The following CPE variants were observed in gnomAD, a reference collection of about 807,000 sequenced individuals.
CPE encodes carboxypeptidase E, also known as carbocypeptidase E.
CPE carries 17 observed loss-of-function variants against 53.5 expected under a neutral mutation model. The ratio of observed to expected loss-of-function variants is 0.32; its 90% confidence interval spans 0.22 to 0.48. The LOEUF (loss-of-function observed/expected upper bound fraction) is 0.48. Ranked by LOEUF, CPE falls within the 20% of genes least tolerant of loss-of-function variation. CPE has a pLI of 0.99. For missense variants in CPE, 524 were observed against 614.7 expected (o/e 0.85, Z 1.56); for synonymous variants, 226 against 228.8 (o/e 0.99, Z 0.11).
intron 1 of CPE, among the ~76,000 whole-genome samples, chr4:165,456,506 T>TTCTTTCTTTGTTTCTCTTTGTTTCTC (rs1731903732): frequency 6.6e-6 from 1 of 151,636 alleles, no homozygotes; most frequent in Non-Finnish European, 1.5e-5. Context: ...AATTTCATCT[T>TTCTTTCTTTGTTTCTCTTTGTTTCTC]TCTTTCTTTG....
chr4:165,412,674 A>T (rs1441661821), intron 1 of CPE, among the ~76,000 whole-genome samples: 1 of 152,216 alleles, frequency 6.6e-6, no homozygotes, highest in Non-Finnish European at 1.5e-5. Flanking sequence ...GCCACTGTGC[A>T]CTTTATCCTA....
intron 1 of CPE, among the ~76,000 whole-genome samples, chr4:165,411,012 C>T (rs190574134): frequency 2.0e-4 from 30 of 152,226 alleles, no homozygotes; most frequent in Non-Finnish European, 4.1e-4. Context: ...GAATGGAGGA[C>T]ATTTACATAG....
At chr4:165,484,299 T>C (rs1732465726) in intron 4 of CPE, 123 bp from the exon 5 acceptor site, 1 of 894,784 alleles carries the variant, frequency 1.1e-6, no homozygotes, top group South Asian at 2.1e-5. Context: ...CTCTTTCCCA[T>C]AGTTATGTAG....
intron 1 of CPE, among the ~76,000 whole-genome samples, chr4:165,411,449 C>A (rs10008344): frequency 0.29 from 43,688 of 151,930 alleles, 6,424 homozygotes; most frequent in Middle Eastern, 0.4. Context: ...TGGTAGGTAC[C>A]CTTGACATTC....
chr4:165,392,341 T>G (rs1730695957), intron 1 of CPE, among the ~76,000 whole-genome samples: 1 of 146,530 alleles, frequency 6.8e-6, no homozygotes, highest in East Asian at 1.9e-4. Context: ...TATATGTATA[T>G]GTAATATGTA....
intron 1 of CPE, among the ~76,000 whole-genome samples, chr4:165,451,483 T>C (rs1428954735): frequency 6.7e-6 from 1 of 149,994 alleles, no homozygotes; most frequent in Non-Finnish European, 1.5e-5. Context: ...TTTATTATTA[T>C]TTATTTATTT....
chr4:165,441,632 T>C (rs187844506), intron 1 of CPE, among the ~76,000 whole-genome samples: 2 of 152,224 alleles, frequency 1.3e-5, no homozygotes, highest in African/African-American at 4.8e-5. Context: ...TTGGGTTTTC[T>C]TTTTACAGAT....
In CPE at chr4:165,379,827, A is replaced by T. The variant is rs924272352; in HGVS notation, c.307+299A>T. ...GCTTGGGAGGCTGGGGTGGCGGGGG[A>T]TGGGGGGGATAGCAATACAGAAAAA... is the stretch of plus-strand genomic sequence containing the variant. On this transcript the variant is annotated intron_variant, in intron 1 of 8. Coordinates refer to ENST00000402744, the MANE Select transcript of CPE (RefSeq NM_001873.4). This position sits in a 1 kb window ranked among gnomAD's most constrained non-coding sequence, Gnocchi z 6.0. Among the ~76,000 whole-genome samples the T allele has an allele frequency of 6.6e-6, 1 of 151,824 alleles. No homozygotes were observed. Among genetic ancestry groups the T allele is most frequent in the African/African-American group, 2.4e-5 (1 of 41,336 alleles).
At chr4:165,438,712 A>T (rs1432069288) in intron 1 of CPE, among the ~76,000 whole-genome samples, 1 of 152,220 alleles carries the variant, frequency 6.6e-6, no homozygotes, top group East Asian at 1.9e-4. Flanking sequence ...GGAAGAGTTC[A>T]TCGTGACTTC....
At chr4:165,481,232 G>A (rs1457917485) in intron 3 of CPE, among the ~76,000 whole-genome samples, 1 of 152,078 alleles carries the variant, frequency 6.6e-6, no homozygotes, top group Non-Finnish European at 1.5e-5. Flanking sequence ...ACTTAGATAT[G>A]CTATTTAACA....
chr4:165,425,283 T>C (rs1402655349), intron 1 of CPE, among the ~76,000 whole-genome samples: 1 of 137,484 alleles, frequency 7.3e-6, no homozygotes, highest in Non-Finnish European at 1.6e-5. Flanking sequence ...TTGTTGGTTT[T>C]TTGTATCTAG....
intron 1 of CPE, among the ~76,000 whole-genome samples, chr4:165,452,388 A>G (rs1731828394): frequency 6.6e-6 from 1 of 152,210 alleles, no homozygotes; most frequent in Admixed American, 6.5e-5. Flanking sequence ...ATGTATCAAA[A>G]TATCACATGT....
chr4:165,418,291 G>A (rs925662450), intron 1 of CPE: 2 of 152,090 alleles, frequency 1.3e-5, no homozygotes, highest in African/African-American at 4.8e-5. Context: ...GCCAGAAGGT[G>A]GTGAGAAAAA....
intron 3 of CPE, among the ~76,000 whole-genome samples, chr4:165,479,632 T>A: frequency 6.6e-6 from 1 of 152,312 alleles, no homozygotes; most frequent in East Asian, 1.9e-4. Flanking sequence ...ATTACAAAAT[T>A]TGAAAGGCAC....
intron 1 of CPE, among the ~76,000 whole-genome samples, chr4:165,436,753 C>G (rs747890686): frequency 1.3e-4 from 20 of 152,156 alleles, no homozygotes; most frequent in Non-Finnish European, 2.4e-4. Flanking sequence ...ATCCTCCTGC[C>G]CCAGCCTCCT....
At chr4:165,409,397 T>C (rs1254710724) in intron 1 of CPE, among the ~76,000 whole-genome samples, 2 of 152,110 alleles carry the variant, frequency 1.3e-5, no homozygotes, top group African/African-American at 4.8e-5. Flanking sequence ...AGAGACAGGG[T>C]TTCGCCATGT....
intron 5 of CPE, 110 bp from the exon 6 acceptor site, chr4:165,487,328 A>C: frequency 7.0e-7 from 1 of 1,438,222 alleles, no homozygotes; most frequent in South Asian, 1.3e-5. Flanking sequence ...AGGCTTCCCA[A>C]ATGCCCTGGT....
At position 165,424,968 on chromosome 4, in the gene CPE, T is replaced by A. The variant is rs80236220; in HGVS notation, c.308-39422T>A. ...TGGCTCACTGCAACCTACACCTCCC[T>A]GGTTCAAATGATTCTCCCGCCTCAG... On this transcript the variant is annotated intron_variant, in intron 1 of 8. Coordinates refer to ENST00000402744, the MANE Select transcript of CPE (RefSeq NM_001873.4). Among the ~76,000 whole-genome samples, 213 of 150,816 alleles carry A rather than the reference T, an allele frequency of 1.4e-3. 1 individual carries two copies. The highest frequency in any genetic ancestry group is 4.8e-3 in the African/African-American group (198 of 41,000).
chr4:165,485,362 G>T (rs756342856), intron 5 of CPE, among the ~76,000 whole-genome samples: 1 of 152,156 alleles, frequency 6.6e-6, no homozygotes, highest in Non-Finnish European at 1.5e-5. Context: ...ATTTGTTAGG[G>T]TAATAAGCAA....
Sources: allele counts gnomAD v4.1 joint callset (sites outside exome capture counted in the v4.1 genomes callset), GRCh38; gene constraint gnomAD v4.1.1; non-coding constraint Gnocchi (gnomAD v3.1); transcripts MANE v1.5; gene names NCBI Gene and HGNC (gene_info 2026-07-23, HGNC 2026-07-21).